The following WDR26 variants were observed in gnomAD, a reference collection of about 807,000 sequenced individuals.
WDR26 encodes WD repeat domain 26, also known as WD repeat-containing protein 26.
A neutral mutation model predicts 84.1 loss-of-function variants in WDR26; 5 were observed. That is an observed-to-expected ratio of 0.06 (90% CI 0.03 to 0.13). WDR26 has a LOEUF of 0.13. Among genes scored for constraint, WDR26 ranks in the 10% least tolerant of loss-of-function variants. The pLI is 1.00. For missense variants in WDR26, 642 were observed against 974.9 expected (o/e 0.66, Z 4.55); for synonymous variants, 415 against 389.6 (o/e 1.07, Z -0.77).
chr1:224,415,809 G>A (rs1673887066), intron 6 of WDR26, among the ~76,000 whole-genome samples: 1 of 152,184 alleles, frequency 6.6e-6, no homozygotes, highest in African/African-American at 2.4e-5. Context: ...AGCCTAAGGA[G>A]TAGCCAGGAG....
Position 224,416,704 on chromosome 1 carries a change from T to C in WDR26, c.1319+1556A>G, listed in dbSNP as rs1016359749. Among the ~76,000 whole-genome samples the C allele has an allele frequency of 3.3e-5, 5 of 152,346 alleles. No individual in the cohort carries two copies. The South Asian group carries it at 6.2e-4, about 19-fold the overall frequency. On this transcript the variant is annotated intron_variant, in intron 6 of 13. Transcript: ENST00000414423. ...ACAGGAGGGCAAGCTCTTAACGTAC[T>C]GATACCTCTTGAACCATTATGTCTA...
At position 224,424,586 on chromosome 1, in the gene WDR26, T is replaced by A. The variant is rs752035817; in HGVS notation, c.996A>T (p.Ala332=). The A allele has an allele frequency of 1.2e-6, 2 of 1,614,156 alleles. No individual in the cohort carries two copies. Among genetic ancestry groups the A allele is most frequent in the African/African-American group, 2.7e-5 (2 of 75,056 alleles). ...TCAATTCACAGCGTAGAACTTGAAGTGCCTCCAGGACCTTGCCATCCTCCA... is the reference window on the plus strand; with the variant it reads ...TCAATTCACAGCGTAGAACTTGAAGAGCCTCCAGGACCTTGCCATCCTCCA... The change falls in exon 4 of 14, where the codon GCA becomes GCT. Residue 332 remains alanine (A), a synonymous_variant. Coordinates refer to ENST00000414423, the MANE Select transcript of WDR26 (RefSeq NM_001379403.1).
rs1674525421 is a variant in WDR26 at position 224,434,196 on chromosome 1, T to A, written c.210A>T (p.Val70=). 9 of 1,405,688 alleles carry A rather than the reference T, an allele frequency of 6.4e-6. No homozygotes were observed. Among genetic ancestry groups the A allele is most frequent in the Non-Finnish European group, 8.3e-6 (9 of 1,085,664 alleles). The allele number at this position is 1,405,688 out of a possible 1,614,324, so 87.1% of individuals were successfully genotyped here. A position where few individuals can be genotyped will look rare whatever the true frequency, so the allele number is the denominator to read the frequency against. The change falls in exon 1 of 14, where the codon GTA becomes GTT. Residue 70 remains valine, a synonymous_variant. Coordinates refer to ENST00000414423, the MANE Select transcript of WDR26 (RefSeq NM_001379403.1). ...CAGCAGCCGGGGGAAGTCCCACCAC[T>A]ACCACCACGGAGGAGGAGGAGGAGG...
intron 3 of WDR26, among the ~76,000 whole-genome samples, chr1:224,427,681 C>T (rs1289601814): frequency 6.6e-6 from 1 of 152,110 alleles, no homozygotes; most frequent in Non-Finnish European, 1.5e-5. Flanking sequence ...CCAAGCACAG[C>T]TAGAGATCTG....
chr1:224,412,662 T>C (rs1673771084), intron 6 of WDR26, among the ~76,000 whole-genome samples: 1 of 152,368 alleles, frequency 6.6e-6, no homozygotes, highest in Admixed American at 6.5e-5. Context: ...CTATATCAAC[T>C]GTCCAACAGA....
At chr1:224,408,633 CTTTTT>C (rs67639407) in intron 7 of WDR26, among the ~76,000 whole-genome samples, 4 of 115,852 alleles carry the variant, frequency 3.5e-5, no homozygotes, top group Non-Finnish European at 7.2e-5. Context: ...TCATCCCATT[CTTTTT>C]TTTTTTTTTT....
chr1:224,386,593 CCTA>C lies in WDR26; in HGVS notation c.*3239_*3241del, dbSNP rs1156678559. 1 of 152,450 alleles carries C rather than the reference CCTA, an allele frequency of 6.6e-6. No individual in the cohort carries two copies. 9.4% of individuals were successfully genotyped at this position (152,450 alleles called of 1,614,324 possible). ...TATGCCACTGTAGAGGCAGAACACT[CCTA>C]ATAATAACATTCACCAGATTACTAC... On this transcript the variant is annotated 3_prime_UTR_variant, in exon 14 of 14. Transcript: ENST00000414423.
Position 224,434,377 on chromosome 1 carries a change from G to A in WDR26, c.29C>T (p.Ala10Val). 1.7e-6 allele frequency: 2 copies of A among 1,177,566 alleles called. No homozygotes were observed. The highest frequency in any genetic ancestry group is 2.1e-6 in the Non-Finnish European group (2 of 954,446). 72.9% of individuals were successfully genotyped at this position (1,177,566 alleles called of 1,614,324 possible). Residue 10 changes from alanine to valine, a missense_variant, in exon 1 of 14, where the codon GCC becomes GTC. Around this residue, in one of 2 missense-constraint regions of WDR26, gnomAD observed 291 missense variants for 302.1 expected, o/e 0.96. Transcript: ENST00000414423. ...CGAGTCGGAGGAGGAGGAAGCGGAGGCCAGAGTTTCCTCGCCGAGAGAGGC... is the reference window on the plus strand; with the variant it reads ...CGAGTCGGAGGAGGAGGAAGCGGAGACCAGAGTTTCCTCGCCGAGAGAGGC...
rs1337144430 is a variant in WDR26 at position 224,389,056 on chromosome 1, A to G, written c.*779T>C. On this transcript the variant is annotated 3_prime_UTR_variant, in exon 14 of 14. Transcript: ENST00000414423. ...GTGGTATTCCAGAAGAGCATCAGTT[A>G]TACTGTGTATCTAAGTCATTGAGGA... 1 of 152,670 alleles carries G rather than the reference A, an allele frequency of 6.6e-6. No individual in the cohort carries two copies. The highest frequency in any genetic ancestry group is 2.4e-5 in the African/African-American group (1 of 41,466). The allele number at this position is 152,670 out of a possible 1,614,324, so 9.5% of individuals were successfully genotyped here. A position where few individuals can be genotyped will look rare whatever the true frequency, so the allele number is the denominator to read the frequency against.
chr1:224,434,439 G>A lies in WDR26; in HGVS notation c.-34C>T. The A allele has an allele frequency of 2.2e-6, 2 of 893,694 alleles. No individual in the cohort carries two copies. The highest frequency in any genetic ancestry group is 2.7e-6 in the Non-Finnish European group (2 of 743,764). The allele number at this position is 893,694 out of a possible 1,614,324, so 55.4% of individuals were successfully genotyped here. The stretch of plus-strand genomic sequence containing the variant: ...GCCGGTGGGGCGAGGCGGGGGAGGG[G>A]AGGCGGGGGCCGGGGAGAGGGTCGG... On this transcript the variant is annotated 5_prime_UTR_variant, in exon 1 of 14. Coordinates refer to ENST00000414423, the MANE Select transcript of WDR26 (RefSeq NM_001379403.1).
chr1:224,410,694 CTTT>C (rs397983007), intron 7 of WDR26, among the ~76,000 whole-genome samples: 6 of 118,948 alleles, frequency 5.0e-5, no homozygotes, highest in South Asian at 2.7e-4. Context: ...ATCTTTCTTT[CTTT>C]TTTTTTTTTT....
intron 6 of WDR26, among the ~76,000 whole-genome samples, chr1:224,416,613 G>A (rs1203756540): frequency 6.6e-6 from 1 of 152,196 alleles, no homozygotes; most frequent in Non-Finnish European, 1.5e-5. Context: ...TCATCACTTA[G>A]TTTCATAGGT....
At chr1:224,433,554 C>G in intron 1 of WDR26, 130 bp downstream of exon 1, 2 of 1,279,794 alleles carry the variant, frequency 1.6e-6, no homozygotes, top group Non-Finnish European at 1.0e-6. Flanking sequence ...CTGGGTCCTG[C>G]GTGCCCAGCA....
chr1:224,422,968 A>C (rs1025050693), intron 4 of WDR26, among the ~76,000 whole-genome samples: 9 of 152,234 alleles, frequency 5.9e-5, no homozygotes, highest in Non-Finnish European at 1.3e-4. Flanking sequence ...GAAGTGGCAC[A>C]GGTCTGTAGA....
intron 7 of WDR26, among the ~76,000 whole-genome samples, chr1:224,408,434 A>C (rs766692327): frequency 1.1e-4 from 16 of 152,214 alleles, no homozygotes; most frequent in Non-Finnish European, 2.1e-4. Context: ...TACTGGCTAA[A>C]TGAAGGGGAT....
chr1:224,421,920 T>C (rs1234037094), intron 4 of WDR26, among the ~76,000 whole-genome samples: 3 of 152,210 alleles, frequency 2.0e-5, no homozygotes, highest in African/African-American at 7.2e-5. Flanking sequence ...GAGGCTCAGT[T>C]TCCTTATCTG....
rs147313640 is a variant in WDR26 at position 224,416,668 on chromosome 1, C to T, written c.1319+1592G>A. ...CACTTTGGTCATGTTCCCATAGATT[C>T]CAGTTTCCAAACAGGAGGGCAAGCT... On this transcript the variant is annotated intron_variant, in intron 6 of 13. Transcript: ENST00000414423. Among the ~76,000 whole-genome samples the T allele has an allele frequency of 8.3e-4, 126 of 152,280 alleles. 1 individual carries two copies. The highest frequency in any genetic ancestry group is 3.0e-3 in the African/African-American group (123 of 41,550).
chr1:224,389,572 T>TGAATGTGAA lies in WDR26; in HGVS notation c.*262_*263insTTCACATTC. 1 of 557,204 alleles carries TGAATGTGAA rather than the reference T, an allele frequency of 1.8e-6. No homozygotes were observed. Among genetic ancestry groups the TGAATGTGAA allele is most frequent in the Non-Finnish European group, 3.1e-6 (1 of 321,852 alleles). 34.5% of individuals were successfully genotyped at this position (557,204 alleles called of 1,614,324 possible). ...ATATACTGAGTTCAATGGGTAAGCC[T>TGAATGTGAA]GAATGTAGCACAGTTCTTCACAACC... On this transcript the variant is annotated 3_prime_UTR_variant, in exon 14 of 14. Transcript: ENST00000414423.
intron 2 of WDR26, 26 bp from the exon 3 acceptor site, chr1:224,431,607 A>T: frequency 6.2e-7 from 1 of 1,611,858 alleles, no homozygotes; most frequent in Non-Finnish European, 8.5e-7. Flanking sequence ...TAAAAGAAAA[A>T]CAGAAATGTC....
Sources: gnomAD v4.1 joint callset for allele counts (sites outside exome capture counted in the v4.1 genomes callset) on GRCh38, gnomAD v4.1.1 for gene constraint, gnomAD v4.1.1 regional missense constraint, MANE v1.5 for transcripts, NCBI Gene and HGNC (gene_info 2026-07-23, HGNC 2026-07-21) for gene names.